Variants in CDIN1 observed in about 807,000 individuals in gnomAD.
The protein encoded by CDIN1 is CDAN1-interacting nuclease 1.
CDIN1 carries 33 observed loss-of-function variants against 45.3 expected under a neutral mutation model. The observed-to-expected ratio is 0.73, with a 90% CI of 0.55 to 0.97. The LOEUF (loss-of-function observed/expected upper bound fraction) is 0.97, where lower values mean the gene tolerates loss of function less well. Among genes scored for constraint, CDIN1 ranks in the 50% least tolerant of loss-of-function variants. CDIN1 has a pLI of 0.00. For synonymous variants in CDIN1, 118 were observed against 124.4 expected (o/e 0.95, Z 0.34); for missense variants, 303 against 339.4 (o/e 0.89, Z 0.84).
intron 10 of CDIN1, among the ~76,000 whole-genome samples, chr15:36,774,168 G>GCGCGCA (rs1555407109): frequency 2.0e-5 from 3 of 149,184 alleles, no homozygotes; most frequent in Admixed American, 1.3e-4. Context: ...GTGTGTGCGC[G>GCGCGCA]CGCGCGCATG....
At chr15:36,710,485 C>T (rs906470932) in intron 10 of CDIN1, among the ~76,000 whole-genome samples, 15 of 152,216 alleles carry the variant, frequency 9.9e-5, no homozygotes, top group African/African-American at 3.6e-4. Flanking sequence ...TCTTATTTTA[C>T]TGTTTATCTA....
intron 5 of CDIN1, among the ~76,000 whole-genome samples, chr15:36,677,897 T>C (rs2041706454): frequency 6.6e-6 from 1 of 152,196 alleles, no homozygotes; most frequent in African/African-American, 2.4e-5. Context: ...TTGTTGAATG[T>C]GTGCTTGTTG....
At chr15:36,614,183 G>T (rs2038779659) in intron 1 of CDIN1, 2 of 673,780 alleles carry the variant, frequency 3.0e-6, no homozygotes, top group South Asian at 2.7e-5. Context: ...AGACTCTGCT[G>T]ACCTGAATGA....
rs34537250 is a variant in CDIN1, at chr15:36,605,647, G to C, written c.101+25686G>C. Among the ~76,000 whole-genome samples the C allele has an allele frequency of 1.3e-3, 204 of 152,300 alleles. 2 individuals carry two copies. The highest frequency in any genetic ancestry group is 3.4e-3 in the Middle Eastern group (1 of 294). On this transcript the variant is annotated intron_variant, in intron 1 of 10. Coordinates refer to ENST00000566621, the MANE Select transcript of CDIN1 (RefSeq NM_001321759.2). ...TCTAATAATCCCTCAAGAATTTAGA[G>C]TGTTGTTGACTGTCCCCATTTACAT...
Position 36,782,771 on chromosome 15 carries a change from C to T in CDIN1, c.717-25553C>T, listed in dbSNP as rs138686618. ...CGTTTCATCATCAGATAACACTAAA[C>T]ACAATAGCCATTTCCTATAAGACTG... On this transcript the variant is annotated intron_variant, in intron 10 of 10. Transcript: ENST00000566621. Among the ~76,000 whole-genome samples, 972 of 152,212 alleles carry T rather than the reference C, an allele frequency of 6.4e-3. 9 individuals carry two copies. The highest frequency in any genetic ancestry group is 0.022 in the African/African-American group (894 of 41,524).
chr15:36,730,522 A>G (rs1314327176), intron 10 of CDIN1, among the ~76,000 whole-genome samples: 3 of 152,102 alleles, frequency 2.0e-5, no homozygotes, highest in African/African-American at 7.2e-5. Flanking sequence ...CTCTTTTTCA[A>G]CTGAATTGAC....
At chr15:36,737,692 G>A (rs762986264) in intron 10 of CDIN1, among the ~76,000 whole-genome samples, 19 of 152,268 alleles carry the variant, frequency 1.2e-4, no homozygotes, top group Admixed American at 5.2e-4. Context: ...TGAGTCAGAG[G>A]ACAATCACTT....
intron 10 of CDIN1, among the ~76,000 whole-genome samples, chr15:36,807,335 T>C (rs2055263211): frequency 1.3e-5 from 2 of 152,300 alleles, no homozygotes; most frequent in African/African-American, 2.4e-5. Flanking sequence ...TAGACATGCT[T>C]TTACTAACCC....
At chr15:36,666,324 C>A (rs968759195) in intron 5 of CDIN1, among the ~76,000 whole-genome samples, 6 of 152,130 alleles carry the variant, frequency 3.9e-5, no homozygotes, top group Non-Finnish European at 8.8e-5. Flanking sequence ...TGAGAATTAT[C>A]ATGGCTGGTA....
chr15:36,618,894 A>G (rs979611602), intron 1 of CDIN1: 14 of 1,206,788 alleles, frequency 1.2e-5, no homozygotes, highest in Admixed American at 3.4e-5. Flanking sequence ...TCACCATGTA[A>G]TCGTAACATA....
intron 10 of CDIN1, chr15:36,734,291 A>G: frequency 3.2e-6 from 1 of 310,728 alleles, no homozygotes; most frequent in South Asian, 2.9e-5. Flanking sequence ...TTTAATTAAC[A>G]TGTTCATGTA....
chr15:36,701,134 A>G (rs867365775), intron 8 of CDIN1, among the ~76,000 whole-genome samples: 48 of 141,808 alleles, frequency 3.4e-4, no homozygotes, highest in African/African-American at 1.3e-3. Context: ...AGATAGATAG[A>G]TAGATAGATA....
intron 10 of CDIN1, among the ~76,000 whole-genome samples, chr15:36,759,982 AT>A (rs1433512279): frequency 6.6e-6 from 1 of 152,142 alleles, no homozygotes; most frequent in Non-Finnish European, 1.5e-5. Context: ...TCAACATGAG[AT>A]TTGGGTGGGG....
chr15:36,586,165 GT>G (rs2037287858), intron 1 of CDIN1, among the ~76,000 whole-genome samples: 1 of 147,532 alleles, frequency 6.8e-6, no homozygotes. Flanking sequence ...ACACTCCACA[GT>G]TTGCTTGGTG....
chr15:36,614,637 A>C (rs1216445689), intron 1 of CDIN1, among the ~76,000 whole-genome samples: 1 of 152,130 alleles, frequency 6.6e-6, no homozygotes, highest in East Asian at 1.9e-4. Context: ...GGAGAGGAAA[A>C]GGTATAGGCC....
At chr15:36,668,016 C>G (rs1464802018) in intron 5 of CDIN1, 1 of 152,120 alleles carries the variant, frequency 6.6e-6, no homozygotes, top group Non-Finnish European at 1.5e-5. Flanking sequence ...GATTCCCTAA[C>G]TTATTCTTGC....
intron 10 of CDIN1, among the ~76,000 whole-genome samples, chr15:36,789,009 T>G (rs968395290): frequency 1.3e-5 from 2 of 152,230 alleles, no homozygotes; most frequent in Non-Finnish European, 2.9e-5. Flanking sequence ...AAGAATTGTT[T>G]TGGTCCACAC....
At chr15:36,610,740 C>G (rs1190156269) in intron 1 of CDIN1, among the ~76,000 whole-genome samples, 2 of 152,200 alleles carry the variant, frequency 1.3e-5, no homozygotes, top group Non-Finnish European at 2.9e-5. Context: ...GAATTGGTGA[C>G]CTGTTTTTAA....
chr15:36,668,856 A>G (rs2041345224), intron 5 of CDIN1: 1 of 152,102 alleles, frequency 6.6e-6, no homozygotes, highest in Non-Finnish European at 1.5e-5. Context: ...TTTACCTTTC[A>G]AAGTTAAACA....
Sources: gnomAD v4.1 joint callset for allele counts (sites outside exome capture counted in the v4.1 genomes callset) on GRCh38, gnomAD v4.1.1 for gene constraint, MANE v1.5 for transcripts, NCBI Gene and HGNC (gene_info 2026-07-23, HGNC 2026-07-21) for gene names.